The following SPTAN1 variants were observed in gnomAD, a reference collection of about 807,000 sequenced individuals.
SPTAN1 encodes spectrin alpha, non-erythrocytic 1, also known as spectrin alpha chain, non-erythrocytic 1.
In SPTAN1, 61 loss-of-function variants were observed where a neutral mutation model predicts 331.3. The observed-to-expected ratio is 0.18, with a 90% CI of 0.15 to 0.23. The LOEUF (loss-of-function observed/expected upper bound fraction) is 0.23, where lower values mean the gene tolerates loss of function less well. Among genes scored for constraint, SPTAN1 ranks in the 10% least tolerant of loss-of-function variants. The pLI is 1.00. For missense variants in SPTAN1, 2,043 were observed against 3,147.9 expected, an observed-to-expected ratio of 0.65 and a Z score of 8.40; for synonymous variants, 1,153 against 1,173.9, an observed-to-expected ratio of 0.98 and a Z score of 0.36.
intron 1 of SPTAN1, among the ~76,000 whole-genome samples, chr9:128,554,283 C>T (rs1028057472): frequency 6.6e-6 from 1 of 152,140 alleles, no homozygotes; most frequent in African/African-American, 2.4e-5. Context: ...TATGGCAAAC[C>T]ATCAGCCTAG....
intron 56 of SPTAN1, 63 bp from the exon 57 acceptor site, chr9:128,633,146 G>A (rs1860091078): frequency 6.2e-7 from 1 of 1,611,920 alleles, no homozygotes; most frequent in African/African-American, 1.3e-5. Flanking sequence ...CTGAGACCTG[G>A]GAGGTCGGGT....
intron 27 of SPTAN1, among the ~76,000 whole-genome samples, chr9:128,600,972 G>GTATTTTTTT (rs1474161366): frequency 4.5e-5 from 1 of 22,228 alleles, no homozygotes; most frequent in Non-Finnish European, 1.2e-4. Context: ...CAGGGAGAAA[G>GTATTTTTTT]TCTTTTTTTT....
chr9:128,624,395 A>G lies in SPTAN1; in HGVS notation c.5900A>G (p.Glu1967Gly). ...KGLNGKVSDL[E>G]KAAAQRKAKL... The stretch of plus-strand genomic sequence containing the variant: ...CTGAACGGGAAAGTGTCAGACCTGG[A>G]GAAAGCTGCAGCCCAGAGAAAGGCG... Residue 1967 changes from glutamate (E) to glycine (G), a missense_variant, in exon 46 of 57, where the codon GAG becomes GGG. By Grantham distance (98) the Glu-to-Gly change is moderately conservative. Coordinates refer to ENST00000372739, the MANE Select transcript of SPTAN1 (RefSeq NM_001130438.3). 1.2e-6 allele frequency: 2 copies of G among 1,614,046 alleles called. No homozygotes were observed. The highest frequency in any genetic ancestry group is 1.7e-6 in the Non-Finnish European group (2 of 1,180,028).
In SPTAN1 at chr9:128,587,628, C is replaced by T; in HGVS notation, c.2801C>T (p.Ala934Val). ...SAEALLKKHE[A>V]LMSDLSAYGS... ...CAGGCTCTACTGAAGAAACACGAAGCTTTGATGTCAGATCTCAGTGCCTAC... is the reference window on the plus strand; with the variant it reads ...CAGGCTCTACTGAAGAAACACGAAGTTTTGATGTCAGATCTCAGTGCCTAC... The change falls in exon 20 of 57, where the codon GCT (alanine) becomes GTT (valine). Residue 934 changes from alanine to valine, a missense_variant. Physicochemically the swap from Ala to Val is moderately conservative, Grantham distance 64. Transcript: ENST00000372739. 6.2e-7 allele frequency: 1 copy of T among 1,613,940 alleles called. No individual in the cohort carries two copies. The highest frequency in any genetic ancestry group is 8.5e-7 in the Non-Finnish European group (1 of 1,179,980).
chr9:128,553,210 C>G (rs1399501560), intron 1 of SPTAN1: 1 of 152,290 alleles, frequency 6.6e-6, no homozygotes, highest in Non-Finnish European at 1.5e-5. Flanking sequence ...CCGAGCATAG[C>G]GTAAACGGCT....
intron 22 of SPTAN1, 67 bp downstream of exon 22, chr9:128,591,692 G>A (rs889896874): frequency 2.0e-5 from 32 of 1,602,816 alleles, no homozygotes; most frequent in South Asian, 6.6e-5. Context: ...CACATGGGCC[G>A]AAGCTTAGGC....
chr9:128,604,934 GTAAATAAA>G (rs544418154), intron 29 of SPTAN1, 92 bp from the exon 30 acceptor site: 47 of 1,229,502 alleles, frequency 3.8e-5, no homozygotes, highest in African/African-American at 1.5e-4. Context: ...CTCCATCTCA[GTAAATAAA>G]TAAATAAATA....
chr9:128,567,703 C>T (rs1390939683), intron 2 of SPTAN1, among the ~76,000 whole-genome samples: 2 of 152,084 alleles, frequency 1.3e-5, no homozygotes, highest in Non-Finnish European at 2.9e-5. Flanking sequence ...CTTTCAGAGA[C>T]TTGGTAAATC....
At chr9:128,608,749 T>G (rs1856219880) in intron 34 of SPTAN1, 125 bp from the exon 35 acceptor site, 1 of 903,856 alleles carries the variant, frequency 1.1e-6, no homozygotes, top group Non-Finnish European at 1.8e-6. Context: ...AGTGTCAGTG[T>G]ATTCTGATCC....
At chr9:128,558,095 G>A (rs994260937) in intron 1 of SPTAN1, among the ~76,000 whole-genome samples, 6 of 152,166 alleles carry the variant, frequency 3.9e-5, no homozygotes, top group East Asian at 1.9e-4. Flanking sequence ...GAGCCACCGC[G>A]CCCAGCTGTA....
At chr9:128,607,529 T>G in intron 31 of SPTAN1, 75 bp from the exon 32 acceptor site, 2 of 1,261,264 alleles carry the variant, frequency 1.6e-6, no homozygotes, top group Non-Finnish European at 2.3e-6. Flanking sequence ...AATTATGTCA[T>G]TCTCTGTTTT....
chr9:128,560,630 C>CT (rs557045933), intron 1 of SPTAN1, among the ~76,000 whole-genome samples: 106 of 8,048 alleles, frequency 0.013, no homozygotes, highest in African/African-American at 0.014. Context: ...ATCTGCCCGC[C>CT]TCGCCTCCCA....
chr9:128,623,949 G>A (rs990067200), intron 45 of SPTAN1, among the ~76,000 whole-genome samples: 6 of 136,910 alleles, frequency 4.4e-5, no homozygotes, highest in African/African-American at 1.9e-4. Flanking sequence ...GTGCATGGTG[G>A]TGTTCGCCTA....
rs138827421 is a variant in SPTAN1 at position 128,605,458 on chromosome 9, C to T, written c.4027C>T (p.Arg1343Cys). 23 of 1,614,024 alleles carry T rather than the reference C, an allele frequency of 1.4e-5. No homozygotes were observed. Among genetic ancestry groups the T allele is most frequent in the Non-Finnish European group, 1.9e-5 (22 of 1,180,028 alleles). The stretch of plus-strand genomic sequence containing the variant: ...GTTGGGTGACTCCCACGACCTGCAG[C>T]GCTTCCTTAGCGATTTCCGGTACGG... ...AKLGDSHDLQ[R>C]FLSDFRDLMS... is the part of the protein sequence containing the mutation. Residue 1343 changes from arginine to cysteine, a missense_variant, in exon 31 of 57, where the codon CGC (arginine) becomes TGC (cysteine). Arg to Cys is a radical substitution (Grantham distance 180). Around this residue, in one of 12 missense-constraint regions of SPTAN1, gnomAD observed 179 missense variants for 215.7 expected, o/e 0.83. Transcript: ENST00000372739.
intron 1 of SPTAN1, chr9:128,555,264 T>C: frequency 1.0e-6 from 1 of 995,444 alleles, no homozygotes; most frequent in Non-Finnish European, 1.4e-6. Flanking sequence ...TGTATTCATA[T>C]TTTTTAAATA....
At chr9:128,600,972 G>GTTTTTTTT (rs1474161366) in intron 27 of SPTAN1, among the ~76,000 whole-genome samples, 7 of 22,226 alleles carry the variant, frequency 3.1e-4, no homozygotes, top group Admixed American at 8.8e-4. Flanking sequence ...CAGGGAGAAA[G>GTTTTTTTT]TCTTTTTTTT....
chr9:128,581,932 T>C (rs1461780047), intron 12 of SPTAN1, 40 bp downstream of exon 12: 1 of 1,419,096 alleles, frequency 7.0e-7, no homozygotes, highest in African/African-American at 1.4e-5. Context: ...ATGACCCTTA[T>C]AGTAAGCCAG....
Position 128,631,886 on chromosome 9 carries a change from C to A in SPTAN1, c.6763-241C>A, listed in dbSNP as rs995924907. ...TCGCCGTACTTGTCCTTGGCGTGCA[C>A]TGCCCTCTGGCAGGTCTACCAGCTG... On this transcript the variant is annotated intron_variant, in intron 52 of 56. Coordinates refer to ENST00000372739, the MANE Select transcript of SPTAN1 (RefSeq NM_001130438.3). 5 of 564,230 alleles carry A rather than the reference C, an allele frequency of 8.9e-6. 1 individual carries two copies. The highest frequency in any genetic ancestry group is 8.3e-5 in the South Asian group (4 of 48,250). The allele number at this position is 564,230 out of a possible 1,614,324, so 35.0% of individuals were successfully genotyped here. A position where few individuals can be genotyped will look rare whatever the true frequency, so the allele number is the denominator to read the frequency against.
chr9:128,560,499 G>A (rs996234485), intron 1 of SPTAN1, among the ~76,000 whole-genome samples: 1 of 151,626 alleles, frequency 6.6e-6, no homozygotes, highest in African/African-American at 2.4e-5. Context: ...TCCAGCCCCA[G>A]CCTCCTGAGT....
Sources: allele counts gnomAD v4.1 joint callset (sites outside exome capture counted in the v4.1 genomes callset), GRCh38; gene constraint gnomAD v4.1.1; regional missense constraint gnomAD v4.1.1; transcripts MANE v1.5; gene names NCBI Gene and HGNC (gene_info 2026-07-23, HGNC 2026-07-21).